The following LHX8 variants were observed in gnomAD, a reference collection of about 807,000 sequenced individuals.
LHX8 encodes the protein LIM homeobox 8, also known as LIM/homeobox protein Lhx8.
In LHX8, 12 loss-of-function variants were observed where a neutral mutation model predicts 40.3. The observed-to-expected ratio is 0.30, with a 90% CI of 0.19 to 0.48. The LOEUF is 0.48. LHX8 is among the 20% of genes least tolerant of loss of function. The probability of loss-of-function intolerance (pLI) is 0.99; values close to 1 mark genes in which losing one functional copy is unlikely to be tolerated. For missense variants in LHX8, 344 were observed against 433.7 expected (o/e 0.79, Z 1.84); for synonymous variants, 179 against 162.0 (o/e 1.10, Z -0.80).
At chr1:75,184,468 T>C in the LHX8 span, among the ~76,000 whole-genome samples, 1 of 152,120 alleles carries the variant, frequency 6.6e-6, no homozygotes, top group Non-Finnish European at 1.5e-5. Flanking sequence ...TAAAAAAATT[T>C]ATCAAAACCA....
intron 2 of LHX8, 66 bp downstream of exon 2, chr1:75,136,755 C>G (rs1204922840): frequency 1.6e-6 from 2 of 1,241,066 alleles, no homozygotes; most frequent in African/African-American, 1.5e-5. Context: ...GACGAAGGGC[C>G]GCTGTCCCCG....
intron 3 of LHX8, among the ~76,000 whole-genome samples, chr1:75,139,422 G>A (rs2100335447): frequency 6.6e-6 from 1 of 152,226 alleles, no homozygotes; most frequent in Non-Finnish European, 1.5e-5. Flanking sequence ...AGAGGCCATG[G>A]CTCTTCCCCT....
chr1:75,167,514 A>C, the LHX8 span, among the ~76,000 whole-genome samples: 1 of 152,114 alleles, frequency 6.6e-6, no homozygotes, highest in Non-Finnish European at 1.5e-5. Context: ...CTCATCATCC[A>C]GGACCAAGCT....
chr1:75,172,818 C>T, the LHX8 span, among the ~76,000 whole-genome samples: 5 of 152,082 alleles, frequency 3.3e-5, no homozygotes, highest in African/African-American at 4.8e-5. Flanking sequence ...CAAAAATAAT[C>T]GTGTTTGGGC....
intron 2 of LHX8, 52 bp downstream of exon 2, chr1:75,136,741 G>A (rs1648150862): frequency 7.0e-7 from 1 of 1,423,294 alleles, no homozygotes; most frequent in Non-Finnish European, 9.6e-7. Flanking sequence ...GGGAGGCGGC[G>A]CAGGACGAAG....
upstream of LHX8, among the ~76,000 whole-genome samples, chr1:75,134,092 T>C (rs986823884): frequency 7.9e-5 from 12 of 152,044 alleles, no homozygotes; most frequent in African/African-American, 2.9e-4. Context: ...TTGTTTAGGT[T>C]TGGGTTGGGG....
the LHX8 span, among the ~76,000 whole-genome samples, chr1:75,179,749 T>C: frequency 3.3e-5 from 5 of 152,172 alleles, no homozygotes; most frequent in Non-Finnish European, 7.3e-5. Context: ...CAGTTGGCTA[T>C]TTTGCCCGTT....
downstream of LHX8, among the ~76,000 whole-genome samples, chr1:75,165,916 C>T (rs1208394435): frequency 6.6e-6 from 1 of 152,166 alleles, no homozygotes; most frequent in African/African-American, 2.4e-5. Context: ...TTCTCTGACA[C>T]CAATTAACTG....
At chr1:75,156,225 GTTGTTGTTGTT>G (rs1469522187) in intron 7 of LHX8, among the ~76,000 whole-genome samples, 4 of 124,382 alleles carry the variant, frequency 3.2e-5, no homozygotes, top group Non-Finnish European at 3.6e-5. Flanking sequence ...TGTTGTTGTT[GTTGTTGTTGTT>G]TTGTTTTGTT....
chr1:75,199,137 G>C, the LHX8 span, among the ~76,000 whole-genome samples: 1 of 152,184 alleles, frequency 6.6e-6, no homozygotes, highest in African/African-American at 2.4e-5. Context: ...ATTAGCTTAT[G>C]ATTTGCTATT....
the LHX8 span, among the ~76,000 whole-genome samples, chr1:75,176,777 GT>G: frequency 0.015 from 2,257 of 152,256 alleles, 20 homozygotes; most frequent in Non-Finnish European, 0.023. Context: ...TATTGCCTAG[GT>G]TTTCTTCTAG....
At chr1:75,170,982 C>T in the LHX8 span, among the ~76,000 whole-genome samples, 14 of 152,246 alleles carry the variant, frequency 9.2e-5, no homozygotes, top group Admixed American at 3.3e-4. Flanking sequence ...AGGCTCAGCA[C>T]GGCCAAATAA....
chr1:75,182,263 C>T, the LHX8 span, among the ~76,000 whole-genome samples: 3 of 152,064 alleles, frequency 2.0e-5, no homozygotes, highest in Non-Finnish European at 2.9e-5. Flanking sequence ...GATGTCCTTT[C>T]CCCACTTTAT....
At chr1:75,188,247 A>G in the LHX8 span, among the ~76,000 whole-genome samples, 1 of 152,084 alleles carries the variant, frequency 6.6e-6, no homozygotes, top group Admixed American at 6.6e-5. Context: ...TATCCAGGGC[A>G]GGGAAAGACC....
the LHX8 span, among the ~76,000 whole-genome samples, chr1:75,177,824 C>T: frequency 1.8e-4 from 28 of 152,248 alleles, no homozygotes; most frequent in Non-Finnish European, 3.5e-4. Flanking sequence ...TCATAAATAG[C>T]TCTTATTATT....
upstream of LHX8, chr1:75,130,416 A>C: frequency 1.9e-6 from 1 of 531,242 alleles, no homozygotes; most frequent in African/African-American, 1.9e-5. Flanking sequence ...GCAGTGAGGA[A>C]TGCCGCGGGG....
At chr1:75,153,017 A>G (rs1263168694) in intron 7 of LHX8, among the ~76,000 whole-genome samples, 1 of 151,968 alleles carries the variant, frequency 6.6e-6, no homozygotes, top group Admixed American at 6.5e-5. Context: ...CGGTTCATCA[A>G]TTTCCTTTTT....
the LHX8 span, among the ~76,000 whole-genome samples, chr1:75,168,751 T>G: frequency 6.6e-6 from 1 of 152,184 alleles, no homozygotes; most frequent in Non-Finnish European, 1.5e-5. Context: ...TTTCAAGTAG[T>G]TAGAGCCTGG....
intron 6 of LHX8, among the ~76,000 whole-genome samples, chr1:75,146,440 T>C (rs879790161): frequency 6.6e-6 from 1 of 152,202 alleles, no homozygotes; most frequent in Non-Finnish European, 1.5e-5. Flanking sequence ...GATTGCTTAT[T>C]CTATGTAGAA....
Sources: gnomAD v4.1 joint callset for allele counts (sites outside exome capture counted in the v4.1 genomes callset) on GRCh38, gnomAD v4.1.1 for gene constraint, MANE v1.5 for transcripts, NCBI Gene and HGNC (gene_info 2026-07-23, HGNC 2026-07-21) for gene names.